The following TMCO6 variants were observed in gnomAD, a reference collection of about 807,000 sequenced individuals.
TMCO6 encodes the protein transmembrane and coiled-coil domain-containing protein 6.
In TMCO6, 47 loss-of-function variants were observed where a neutral mutation model predicts 61.8. That is an observed-to-expected ratio of 0.76 (90% CI 0.60 to 0.97). The LOEUF is 0.97. Ranked by LOEUF, TMCO6 falls within the 50% of genes least tolerant of loss-of-function variation. The pLI is 0.00. For synonymous variants in TMCO6, 261 were observed against 254.2 expected, an observed-to-expected ratio of 1.03 and a Z score of -0.25; for missense variants, 557 against 601.6, an observed-to-expected ratio of 0.93 and a Z score of 0.78.
At chr5:140,628,165 C>T in the TMCO6 span, among the ~76,000 whole-genome samples, 1 of 137,388 alleles carries the variant, frequency 7.3e-6, no homozygotes, top group Non-Finnish European at 1.6e-5. Flanking sequence ...TGCGCCACCA[C>T]ACCCAGCTAT....
At chr5:140,620,287 A>C in the TMCO6 span, among the ~76,000 whole-genome samples, 1 of 152,228 alleles carries the variant, frequency 6.6e-6, no homozygotes, top group Non-Finnish European at 1.5e-5. Flanking sequence ...AATAATACAT[A>C]CTGTGTAATT....
At chr5:140,616,609 T>C in the TMCO6 span, among the ~76,000 whole-genome samples, 1 of 152,140 alleles carries the variant, frequency 6.6e-6, no homozygotes, top group Non-Finnish European at 1.5e-5. Flanking sequence ...ACTCTGTGCA[T>C]CAAAGGATGC....
chr5:140,607,229 A>G, the TMCO6 span, among the ~76,000 whole-genome samples: 1 of 152,134 alleles, frequency 6.6e-6, no homozygotes, highest in Non-Finnish European at 1.5e-5. Context: ...TTAACCTTTA[A>G]TCTACTTACC....
At chr5:140,635,231 C>T (rs1756741153), upstream of TMCO6, among the ~76,000 whole-genome samples, 1 of 152,234 alleles carries the variant, frequency 6.6e-6, no homozygotes, top group Non-Finnish European at 1.5e-5. Flanking sequence ...TGGTGCCATG[C>T]CAGGCCTCTG....
chr5:140,607,793 T>TTC, the TMCO6 span, among the ~76,000 whole-genome samples: 1 of 149,006 alleles, frequency 6.7e-6, no homozygotes, highest in Non-Finnish European at 1.5e-5. Flanking sequence ...TCTATTTTCT[T>TTC]TTTTTTTTTT....
At position 140,643,851 on chromosome 5, in the gene TMCO6, A is replaced by C. The variant is rs762574282; in HGVS notation, c.990A>C (p.Gln330His). ...TEAAVETVGG[Q>H]MQLRDERVVA... ...CAGCAGTGGAGACTGTGGGAGGGCA[A>C]ATGCAGCTCAGAGATGAGCGTGTTG... Residue 330 changes from glutamine (Q) to histidine (H), a missense_variant, in exon 9 of 12, where the codon CAA (glutamine) becomes CAC (histidine). Transcript: ENST00000394671. The C allele has an allele frequency of 3.1e-6, 5 of 1,614,050 alleles. No homozygotes were observed. The highest frequency in any genetic ancestry group is 4.2e-6 in the Non-Finnish European group (5 of 1,180,048).
the TMCO6 span, among the ~76,000 whole-genome samples, chr5:140,619,368 C>T: frequency 6.6e-6 from 1 of 152,056 alleles, no homozygotes; most frequent in Non-Finnish European, 1.5e-5. Context: ...AAAAAACAAA[C>T]AATAAAACAC....
chr5:140,610,349 C>G, the TMCO6 span, among the ~76,000 whole-genome samples: 1 of 151,956 alleles, frequency 6.6e-6, no homozygotes, highest in Non-Finnish European at 1.5e-5. Context: ...GCACAAGACT[C>G]TGTCTCAAAC....
At chr5:140,624,414 T>A in the TMCO6 span, among the ~76,000 whole-genome samples, 1 of 152,088 alleles carries the variant, frequency 6.6e-6, no homozygotes, top group Non-Finnish European at 1.5e-5. Context: ...TTTAGTGGTG[T>A]TTATTATATT....
At chr5:140,632,155 C>G in the TMCO6 span, 1 of 1,614,098 alleles carries the variant, frequency 6.2e-7, no homozygotes, top group South Asian at 1.1e-5. This position sits in a 1 kb window ranked among gnomAD's most constrained non-coding sequence, Gnocchi z 6.2. Flanking sequence ...GAGTTCAGGG[C>G]GCTGGACCAC....
At chr5:140,626,625 C>T in the TMCO6 span, among the ~76,000 whole-genome samples, 1 of 152,144 alleles carries the variant, frequency 6.6e-6, no homozygotes, top group Non-Finnish European at 1.5e-5. Context: ...TATCTATTAT[C>T]ATTTCTTTTT....
chr5:140,632,668 G>A, the TMCO6 span: 1 of 1,613,852 alleles, frequency 6.2e-7, no homozygotes, highest in Non-Finnish European at 8.5e-7. This position sits in a 1 kb window ranked among gnomAD's most constrained non-coding sequence, Gnocchi z 6.2. Context: ...GCGCCTACCA[G>A]TAGCTGAGCA....
the TMCO6 span, among the ~76,000 whole-genome samples, chr5:140,598,883 C>T: frequency 1.3e-5 from 2 of 152,112 alleles, no homozygotes; most frequent in African/African-American, 2.4e-5. Context: ...TAGCAGTGAG[C>T]GGAGATCACA....
At chr5:140,633,276 C>G in the TMCO6 span, 5 of 658,454 alleles carry the variant, frequency 7.6e-6, no homozygotes, top group Non-Finnish European at 1.3e-5. Flanking sequence ...TTCCTCCGAG[C>G]CAGCCCCCTT....
chr5:140,601,931 A>G, the TMCO6 span, among the ~76,000 whole-genome samples: 1 of 152,230 alleles, frequency 6.6e-6, no homozygotes, highest in Non-Finnish European at 1.5e-5. Context: ...AAGCGAATAC[A>G]ATAAAATATG....
the TMCO6 span, among the ~76,000 whole-genome samples, chr5:140,609,942 A>G: frequency 1.3e-5 from 2 of 151,974 alleles, no homozygotes; most frequent in African/African-American, 2.4e-5. Flanking sequence ...GTACTATCAT[A>G]GCTCACTGCA....
chr5:140,636,117 G>A (rs1032456751), upstream of TMCO6, among the ~76,000 whole-genome samples: 2 of 152,140 alleles, frequency 1.3e-5, no homozygotes, highest in Admixed American at 1.3e-4. Flanking sequence ...TCCTGCCTCA[G>A]TCTCCTGAGT....
the TMCO6 span, among the ~76,000 whole-genome samples, chr5:140,604,364 A>C: frequency 6.6e-6 from 1 of 152,086 alleles, no homozygotes; most frequent in Non-Finnish European, 1.5e-5. Flanking sequence ...ACTGCACTCC[A>C]GACTGGGCAA....
the TMCO6 span, among the ~76,000 whole-genome samples, chr5:140,626,579 AC>A: frequency 6.6e-6 from 1 of 151,946 alleles, no homozygotes; most frequent in Non-Finnish European, 1.5e-5. Flanking sequence ...CCCCTTGACC[AC>A]CCCACTTCTA....
Sources: allele counts gnomAD v4.1 joint callset (sites outside exome capture counted in the v4.1 genomes callset), GRCh38; gene constraint gnomAD v4.1.1; non-coding constraint Gnocchi (gnomAD v3.1); transcripts MANE v1.5; gene names NCBI Gene and HGNC (gene_info 2026-07-23, HGNC 2026-07-21).